The following AGAP1 variants were observed in gnomAD, a reference collection of about 807,000 sequenced individuals.
AGAP1 encodes ArfGAP with GTPase domain, ankyrin repeat and PH domain 1, also known as arf-GAP with GTPase, ANK repeat and PH domain-containing protein 1.
AGAP1 carries 29 observed loss-of-function variants against 105.3 expected under a neutral mutation model. The observed-to-expected ratio is 0.28, with a 90% CI of 0.21 to 0.38. AGAP1 has a LOEUF of 0.38. Among genes scored for constraint, AGAP1 ranks in the 10% least tolerant of loss-of-function variants. AGAP1 has a pLI of 1.00. For missense variants in AGAP1, 998 were observed against 1,165.1 expected (o/e 0.86, Z 2.09); for synonymous variants, 509 against 485.9 (o/e 1.05, Z -0.63).
rs533852103 is a variant in AGAP1 at position 235,569,560 on chromosome 2, C to A, written c.163+74711C>A. 6.6e-6 allele frequency among the ~76,000 whole-genome samples: 1 copy of A among 152,322 alleles called. No individual in the cohort carries two copies. The highest frequency in any genetic ancestry group is 6.5e-5 in the Admixed American group (1 of 15,298). On this transcript the variant is annotated intron_variant, in intron 1 of 17. Coordinates refer to ENST00000304032, the MANE Select transcript of AGAP1 (RefSeq NM_001037131.3). The surrounding 1 kb of genome is among the most constrained non-coding windows in gnomAD (Gnocchi z 5.9). ...TGAGCCCCGAATTCTGCCCTCTGCCCATGTGAGCATGGTCTGTGAGCAAAC... is the reference window on the plus strand; with the variant it reads ...TGAGCCCCGAATTCTGCCCTCTGCCAATGTGAGCATGGTCTGTGAGCAAAC...
intron 16 of AGAP1, among the ~76,000 whole-genome samples, chr2:236,111,243 G>A (rs542856250): frequency 9.2e-5 from 14 of 152,178 alleles, no homozygotes; most frequent in East Asian, 3.9e-4. Context: ...AGAAAGGGCC[G>A]ATCCCAGCTG....
At chr2:236,030,474 G>T (rs975830390) in intron 13 of AGAP1, among the ~76,000 whole-genome samples, 1 of 152,196 alleles carries the variant, frequency 6.6e-6, no homozygotes, top group Non-Finnish European at 1.5e-5. Context: ...GGGGCCTCCC[G>T]GCTCCTTTCC....
intron 1 of AGAP1, among the ~76,000 whole-genome samples, chr2:235,590,195 A>G (rs534026862): frequency 2.0e-5 from 3 of 151,946 alleles, no homozygotes; most frequent in Non-Finnish European, 4.4e-5. Flanking sequence ...CTTTTCTCTC[A>G]CTGTTACTGT....
At chr2:235,604,094 A>G (rs780497381) in intron 1 of AGAP1, among the ~76,000 whole-genome samples, 2 of 151,466 alleles carry the variant, frequency 1.3e-5, no homozygotes, top group South Asian at 4.2e-4. Context: ...TCCTTTTAAT[A>G]TAAATATATC....
At chr2:235,693,034 TGCTGGCC>T (rs1949813756) in intron 1 of AGAP1, among the ~76,000 whole-genome samples, 2 of 152,086 alleles carry the variant, frequency 1.3e-5, no homozygotes, top group Non-Finnish European at 2.9e-5. Flanking sequence ...AGATTCCACT[TGCTGGCC>T]TAGGGGCCTT....
Position 235,766,907 on chromosome 2 carries a change from A to ATTT in AGAP1, c.673+16439_673+16441dup, listed in dbSNP as rs71036292. ...TATGTGCGTGCCACCACACCGGCTA[A>ATTT]TTTTTTTTTTTTTTTTTTTTTTGTG... On this transcript the variant is annotated intron_variant, in intron 6 of 17. Coordinates refer to ENST00000304032, the MANE Select transcript of AGAP1 (RefSeq NM_001037131.3). Among the ~76,000 whole-genome samples the ATTT allele has an allele frequency of 1.3e-3, 142 of 109,870 alleles. 2 individuals are homozygous for ATTT. The East Asian group carries it at 0.019, about 15-fold the overall frequency. 72.1% of individuals were successfully genotyped at this position (109,870 alleles called of 152,430 possible). A position where few individuals can be genotyped will look rare whatever the true frequency, so the allele number is the denominator to read the frequency against.
Position 235,549,617 on chromosome 2 carries a change from T to C in AGAP1, c.163+54768T>C, listed in dbSNP as rs1364032808. Among the ~76,000 whole-genome samples, 4 of 152,226 alleles carry C rather than the reference T, an allele frequency of 2.6e-5. No homozygotes were observed. Among genetic ancestry groups the C allele is most frequent in the Non-Finnish European group, 4.4e-5 (3 of 68,040 alleles). ...TTCCTTTGGATTACTTTTGTTTCTT[T>C]AAAACTCCTTGGCACCATCTAATTT... On this transcript the variant is annotated intron_variant, in intron 1 of 17. Coordinates refer to ENST00000304032, the MANE Select transcript of AGAP1 (RefSeq NM_001037131.3). This position sits in a 1 kb window ranked among gnomAD's most constrained non-coding sequence, Gnocchi z 4.2.
At chr2:235,921,832 G>GA (rs1192801658) in intron 11 of AGAP1, among the ~76,000 whole-genome samples, 5 of 151,836 alleles carry the variant, frequency 3.3e-5, no homozygotes, top group East Asian at 1.9e-4. Context: ...TGTGTCCTTG[G>GA]AAAAAAAATC....
intron 7 of AGAP1, among the ~76,000 whole-genome samples, chr2:235,798,870 C>CA (rs1041317180): frequency 0.051 from 2,453 of 47,980 alleles, 90 homozygotes; most frequent in East Asian, 0.21. Context: ...GACCCTGTCT[C>CA]AAAAAAAAAA....
chr2:235,661,879 G>A (rs1947969242), intron 1 of AGAP1, among the ~76,000 whole-genome samples: 1 of 152,182 alleles, frequency 6.6e-6, no homozygotes, highest in African/African-American at 2.4e-5. Context: ...GCGCCAGGAG[G>A]CAGCTCTGAG....
intron 16 of AGAP1, among the ~76,000 whole-genome samples, chr2:236,059,395 TG>T (rs2058129957): frequency 6.6e-6 from 1 of 152,208 alleles, no homozygotes. Context: ...TTCAAATCGA[TG>T]TACAGAGTCG....
rs1202584492 is a variant in AGAP1 at position 235,690,364 on chromosome 2, G to A, written c.164-18815G>A. Among the ~76,000 whole-genome samples, 1 of 152,130 alleles carries A rather than the reference G, an allele frequency of 6.6e-6. No homozygotes were observed. The highest frequency in any genetic ancestry group is 1.5e-5 in the Non-Finnish European group (1 of 68,020). On this transcript the variant is annotated intron_variant, in intron 1 of 17. Coordinates refer to ENST00000304032, the MANE Select transcript of AGAP1 (RefSeq NM_001037131.3). This position sits in a 1 kb window ranked among gnomAD's most constrained non-coding sequence, Gnocchi z 4.1. ...AGGCCGTGCCCTGGGGGCAGGTGCA[G>A]GAGGGAGCCTGGCTCTTCAGGTTAA...
chr2:235,887,639 A>G lies in AGAP1; in HGVS notation c.1155+4190A>G, dbSNP rs564741628. Among the ~76,000 whole-genome samples, 3 of 152,326 alleles carry G rather than the reference A, an allele frequency of 2.0e-5. No homozygotes were observed. The highest frequency in any genetic ancestry group is 4.4e-5 in the Non-Finnish European group (3 of 68,038). On this transcript the variant is annotated intron_variant, in intron 10 of 17. Coordinates refer to ENST00000304032, the MANE Select transcript of AGAP1 (RefSeq NM_001037131.3). This position sits in a 1 kb window ranked among gnomAD's most constrained non-coding sequence, Gnocchi z 4.1. ...GCATTGATCTCATATAGCATAGCCTACAGCCCGTTCTTTTCCACAGAGCCC... is the reference window on the plus strand; with the variant it reads ...GCATTGATCTCATATAGCATAGCCTGCAGCCCGTTCTTTTCCACAGAGCCC...
At chr2:236,013,192 G>T (rs1023822289) in intron 13 of AGAP1, among the ~76,000 whole-genome samples, 4 of 152,116 alleles carry the variant, frequency 2.6e-5, no homozygotes, top group Non-Finnish European at 5.9e-5. Context: ...GTGCTTTATC[G>T]CAGAATTGTA....
rs73125525 is a variant in AGAP1, at chr2:236,055,512, C to T, written c.2114+6231C>T. On this transcript the variant is annotated intron_variant, in intron 16 of 17. Transcript: ENST00000304032. The surrounding 1 kb of genome is among the most constrained non-coding windows in gnomAD (Gnocchi z 6.2). ...GGAGCCCCCGAAAATGACAGTACCA[C>T]TAATTGCAACTCAAAGTGAATTTCT... 3.9e-3 allele frequency among the ~76,000 whole-genome samples: 598 copies of T among 152,354 alleles called. 4 individuals carry two copies. The highest frequency in any genetic ancestry group is 0.014 in the African/African-American group (573 of 41,586).
In AGAP1 at chr2:235,889,310, G is replaced by A. The variant is rs569138986; in HGVS notation, c.1155+5861G>A. Among the ~76,000 whole-genome samples, 4 of 152,254 alleles carry A rather than the reference G, an allele frequency of 2.6e-5. No individual in the cohort carries two copies. In the East Asian group the frequency reaches 5.8e-4, roughly 22 times the overall value. ...GGGAAACCTGACATTGCAGGACACC[G>A]TGGGGCTGGTGTGAGGCTGAAAATG... is the stretch of plus-strand genomic sequence containing the variant. On this transcript the variant is annotated intron_variant, in intron 10 of 17. Transcript: ENST00000304032. This position sits in a 1 kb window ranked among gnomAD's most constrained non-coding sequence, Gnocchi z 4.6.
At position 235,866,884 on chromosome 2, in the gene AGAP1, C is replaced by A. The variant is rs1286360006; in HGVS notation, c.1051-16461C>A. 6.6e-6 allele frequency among the ~76,000 whole-genome samples: 1 copy of A among 152,172 alleles called. No homozygotes were observed. The highest frequency in any genetic ancestry group is 1.5e-5 in the Non-Finnish European group (1 of 68,030). On this transcript the variant is annotated intron_variant, in intron 9 of 17. Coordinates refer to ENST00000304032, the MANE Select transcript of AGAP1 (RefSeq NM_001037131.3). The surrounding 1 kb of genome is among the most constrained non-coding windows in gnomAD (Gnocchi z 6.1). ...ATTGGATTAGGGCCCATCCTAACAG[C>A]CTTATTTTAACATAATTTGCTCTGT...
At position 235,705,982 on chromosome 2, in the gene AGAP1, T is replaced by C. The variant is rs1030385150; in HGVS notation, c.164-3197T>C. On this transcript the variant is annotated intron_variant, in intron 1 of 17. Coordinates refer to ENST00000304032, the MANE Select transcript of AGAP1 (RefSeq NM_001037131.3). The surrounding 1 kb of genome is among the most constrained non-coding windows in gnomAD (Gnocchi z 4.9). ...GCTCATTTTAATTCACAGTTTACCCTCTTTGTTTTACTATTAAAGTTCATT... is the reference window on the plus strand; with the variant it reads ...GCTCATTTTAATTCACAGTTTACCCCCTTTGTTTTACTATTAAAGTTCATT... Among the ~76,000 whole-genome samples, 1 of 152,232 alleles carries C rather than the reference T, an allele frequency of 6.6e-6. No individual in the cohort carries two copies. Among genetic ancestry groups the C allele is most frequent in the African/African-American group, 2.4e-5 (1 of 41,462 alleles).
At position 236,092,983 on chromosome 2, in the gene AGAP1, A is replaced by G. The variant is rs1213177009; in HGVS notation, c.2115-27209A>G. Among the ~76,000 whole-genome samples the G allele has an allele frequency of 1.3e-5, 2 of 152,256 alleles. No homozygotes were observed. The highest frequency in any genetic ancestry group is 4.8e-5 in the African/African-American group (2 of 41,470). ...ATCTGGAACAATTGAAGCATCTAAA[A>G]GAATAGTGTTGGTGGCAGTTTATGT... On this transcript the variant is annotated intron_variant, in intron 16 of 17. Coordinates refer to ENST00000304032, the MANE Select transcript of AGAP1 (RefSeq NM_001037131.3). This position sits in a 1 kb window ranked among gnomAD's most constrained non-coding sequence, Gnocchi z 4.7.
Sources: allele counts gnomAD v4.1 joint callset (sites outside exome capture counted in the v4.1 genomes callset), GRCh38; gene constraint gnomAD v4.1.1; non-coding constraint Gnocchi (gnomAD v3.1); transcripts MANE v1.5; gene names NCBI Gene and HGNC (gene_info 2026-07-23, HGNC 2026-07-21).